The following LRFN4 variants were observed in gnomAD, a reference collection of about 807,000 sequenced individuals.
LRFN4 encodes leucine rich repeat and fibronectin type III domain containing 4.
A neutral mutation model predicts 29.0 loss-of-function variants in LRFN4; 10 were observed. That is an observed-to-expected ratio of 0.35 (90% CI 0.21 to 0.59). The LOEUF is 0.59. LRFN4 is among the 20% of genes least tolerant of loss of function. The pLI is 0.82. For synonymous variants in LRFN4, 493 were observed against 437.0 expected, an observed-to-expected ratio of 1.13 and a Z score of -1.60; for missense variants, 850 against 907.9, an observed-to-expected ratio of 0.94 and a Z score of 0.82.
chr11:66,857,756 G>A lies in LRFN4; in HGVS notation c.12G>A (p.Pro4=). 1 of 1,593,056 alleles carries A rather than the reference G, an allele frequency of 6.3e-7. No individual in the cohort carries two copies. The highest frequency in any genetic ancestry group is 1.3e-5 in the African/African-American group (1 of 74,884). The change falls in exon 1 of 2, where the codon CCG becomes CCA. Residue 4 remains proline (P), a synonymous_variant. Coordinates refer to ENST00000309602, the MANE Select transcript of LRFN4 (RefSeq NM_024036.5). This position sits in a 1 kb window ranked among gnomAD's most constrained non-coding sequence, Gnocchi z 7.1. MAP[P]LLLLLLASGA... ...ACAGGGCGCTCACCATGGCCCCGCC[G>A]CTCCTGCTGCTGCTGCTGGCCAGTG...
In LRFN4 at chr11:66,858,207, A is replaced by G. The variant is rs763456514; in HGVS notation, c.463A>G (p.Asn155Asp). 1 of 1,612,488 alleles carries G rather than the reference A, an allele frequency of 6.2e-7. No homozygotes were observed. The highest frequency in any genetic ancestry group is 8.5e-7 in the Non-Finnish European group (1 of 1,179,862). Residue 155 changes from asparagine to aspartate, a missense_variant, in exon 1 of 2, where the codon AAC (asparagine) becomes GAC (aspartate). Physicochemically the swap from Asn to Asp is conservative, Grantham distance 23 (BLOSUM62 1). This residue lies in a region of LRFN4 where 744 missense variants were observed against 753.8 expected (regional missense o/e 0.99). Transcript: ENST00000309602. This position sits in a 1 kb window ranked among gnomAD's most constrained non-coding sequence, Gnocchi z 5.9. ...ESLEDLDLSY[N>D]NLRQVPWAGI... is the part of the protein sequence containing the mutation. ...CCTGGAGGACCTGGACCTGTCCTAC[A>G]ACAACCTCCGGCAGGTGCCCTGGGC... is the stretch of plus-strand genomic sequence containing the variant.
chr11:66,859,256 G>A (rs1327110385), intron 1 of LRFN4, among the ~76,000 whole-genome samples, 163 bp downstream of exon 1: 1 of 152,138 alleles, frequency 6.6e-6, no homozygotes, highest in Non-Finnish European at 1.5e-5. Flanking sequence ...GCCTGGCCTG[G>A]CTGCCTGAGG....
Position 66,858,920 on chromosome 11 carries a change from C to T in LRFN4, c.1176C>T (p.Ser392=), listed in dbSNP as rs374693774. The T allele has an allele frequency of 6.0e-4, 941 of 1,570,454 alleles. No individual in the cohort carries two copies. Among genetic ancestry groups the T allele is most frequent in the African/African-American group, 5.9e-3 (436 of 73,894 alleles). Residue 392 remains serine, a synonymous_variant, in exon 1 of 2, where the codon TCC becomes TCT. Transcript: ENST00000309602. This position sits in a 1 kb window ranked among gnomAD's most constrained non-coding sequence, Gnocchi z 5.9. ...CCGGGCCCTCGGACATCGCCGCCTC[C>T]GCTCGCACTGCTGCCGAGGGTGAGG... is the stretch of plus-strand genomic sequence containing the variant. ...GRPGPSDIAA[S]ARTAAEGEGT... is the part of the protein sequence containing the mutation.
chr11:66,860,096 T>C lies in LRFN4; in HGVS notation c.1809T>C (p.Ala603=), dbSNP rs1946158045. 7.1e-6 allele frequency: 11 copies of C among 1,553,090 alleles called. No individual in the cohort carries two copies. The highest frequency in any genetic ancestry group is 9.6e-6 in the Non-Finnish European group (11 of 1,148,792). Residue 603 remains alanine, a synonymous_variant, in exon 2 of 2, where the codon GCT becomes GCC. Coordinates refer to ENST00000309602, the MANE Select transcript of LRFN4 (RefSeq NM_024036.5). ...GTTATGCCAGGCGCCTGGGAGGAGC[T>C]TGGGCCCGACGGAGCCACTCTGTGC... ...CYGYARRLGG[A]WARRSHSVHG... is the part of the protein sequence containing the mutation.
Position 66,858,733 on chromosome 11 carries a change from C to G in LRFN4, c.989C>G (p.Ala330Gly). The G allele has an allele frequency of 1.3e-6, 2 of 1,553,642 alleles. No homozygotes were observed. Among genetic ancestry groups the G allele is most frequent in the Non-Finnish European group, 1.7e-6 (2 of 1,148,220 alleles). The change falls in exon 1 of 2, where the codon GCT (alanine) becomes GGT (glycine). Residue 330 changes from alanine (A) to glycine (G), a missense_variant. Physicochemically the swap from Ala to Gly is moderately conservative, Grantham distance 60. Coordinates refer to ENST00000309602, the MANE Select transcript of LRFN4 (RefSeq NM_024036.5). This position sits in a 1 kb window ranked among gnomAD's most constrained non-coding sequence, Gnocchi z 5.9. ...GTTGGCAACTCCTCCCGAGCCCGGG[C>G]TTTCCCCAACGGGACCTTAGAGATT... ...RLVGNSSRAR[A>G]FPNGTLEIGV...
rs773772083 is a variant in LRFN4 at position 66,859,748 on chromosome 11, G to C, written c.1461G>C (p.Thr487=). The change falls in exon 2 of 2, where the codon ACG becomes ACC. Residue 487 remains threonine, a synonymous_variant. Coordinates refer to ENST00000309602, the MANE Select transcript of LRFN4 (RefSeq NM_024036.5). ...CGGCCGCTGGGCCCTCTGACCTCAC[G>C]GCCACCAGGCTGCTGGGCTGTGCCC... The part of the protein sequence containing the change: ...LSPAAGPSDL[T]ATRLLGCAHF... 1.9e-6 allele frequency: 3 copies of C among 1,609,078 alleles called. No individual in the cohort carries two copies. The highest frequency in any genetic ancestry group is 1.3e-5 in the African/African-American group (1 of 74,836).
chr11:66,859,619 A>T lies in LRFN4; in HGVS notation c.1350-18A>T, dbSNP rs751355859. ...TAGACCCCAGCCCCGGGCTCTGACC[A>T]CCTGCCCTTGCCTGCAGGATTGTCC... is the stretch of plus-strand genomic sequence containing the variant. On this transcript the variant is annotated intron_variant, in intron 1 of 1. Coordinates refer to ENST00000309602, the MANE Select transcript of LRFN4 (RefSeq NM_024036.5). 1 of 1,612,334 alleles carries T rather than the reference A, an allele frequency of 6.2e-7. No homozygotes were observed. Among genetic ancestry groups the T allele is most frequent in the African/African-American group, 1.3e-5 (1 of 74,870 alleles).
At position 66,860,235 on chromosome 11, in the gene LRFN4, C is replaced by T. The variant is rs909744017; in HGVS notation, c.*40C>T. On this transcript the variant is annotated 3_prime_UTR_variant, in exon 2 of 2. Transcript: ENST00000309602. ...CCTGTGTGCTCCAAGGGATGAGCCT[C>T]GTGGGGCAGAGGGCCCGGGGCCGCC... 25 of 1,538,876 alleles carry T rather than the reference C, an allele frequency of 1.6e-5. No homozygotes were observed. Among genetic ancestry groups the T allele is most frequent in the African/African-American group, 9.6e-5 (7 of 73,054 alleles).
chr11:66,859,197 AC>A (rs750645465), intron 1 of LRFN4, 104 bp downstream of exon 1: 54 of 1,327,688 alleles, frequency 4.1e-5, no homozygotes, highest in Non-Finnish European at 5.1e-5. Context: ...TGGGGCTGAC[AC>A]CCCCTCCCCG....
rs202226738 is a variant in LRFN4, at chr11:66,859,686, G to A, written c.1399G>A (p.Gly467Ser). 1.6e-4 allele frequency: 254 copies of A among 1,612,932 alleles called. No homozygotes were observed. Among genetic ancestry groups the A allele is most frequent in the Middle Eastern group, 9.9e-4 (6 of 6,062 alleles). Residue 467 changes from glycine (G) to serine (S), a missense_variant, in exon 2 of 2, where the codon GGC becomes AGC. This residue lies in a region of LRFN4 where 744 missense variants were observed against 753.8 expected (regional missense o/e 0.99). Coordinates refer to ENST00000309602, the MANE Select transcript of LRFN4 (RefSeq NM_024036.5). ...HHFLLKHLVP[G>S]ADYDLCLLAL... ...CTTCCTGCTGAAGCACCTCGTCCCC[G>A]GCGCTGACTATGACCTCTGCCTGCT...
rs983603393 is a variant in LRFN4 at position 66,858,405 on chromosome 11, G to C, written c.661G>C (p.Glu221Gln). 1 of 1,559,038 alleles carries C rather than the reference G, an allele frequency of 6.4e-7. No individual in the cohort carries two copies. Among genetic ancestry groups the C allele is most frequent in the South Asian group, 1.2e-5 (1 of 86,460 alleles). ...GCTTTTCTCTCGTGGGCGTGATGCA[G>C]AGGCCTCTCCCGCCCCCCTGGTGCT... ...DPLFSRGRDA[E>Q]ASPAPLVLSF... The change falls in exon 1 of 2, where the codon GAG becomes CAG. Residue 221 changes from glutamate (E) to glutamine (Q), a missense_variant. Around this residue, in one of 2 missense-constraint regions of LRFN4, gnomAD observed 744 missense variants for 753.8 expected, o/e 0.99. Coordinates refer to ENST00000309602, the MANE Select transcript of LRFN4 (RefSeq NM_024036.5). The surrounding 1 kb of genome is among the most constrained non-coding windows in gnomAD (Gnocchi z 5.9).
rs1478370424 is a variant in LRFN4 at position 66,857,554 on chromosome 11, G to T, written c.-191G>T. The T allele has an allele frequency of 3.3e-6, 2 of 602,730 alleles. No individual in the cohort carries two copies. The highest frequency in any genetic ancestry group is 5.7e-5 in the East Asian group (2 of 35,228). 37.3% of individuals were successfully genotyped at this position (602,730 alleles called of 1,614,324 possible). A position where few individuals can be genotyped will look rare whatever the true frequency, so the allele number is the denominator to read the frequency against. On this transcript the variant is annotated 5_prime_UTR_variant, in exon 1 of 2. Coordinates refer to ENST00000309602, the MANE Select transcript of LRFN4 (RefSeq NM_024036.5). The surrounding 1 kb of genome is among the most constrained non-coding windows in gnomAD (Gnocchi z 7.1). ...TAACTGCTTGGGAAATGTGACCTTT[G>T]CTCTGGGGGGCCTGGCCCTGCAGGC...
chr11:66,858,611 C>T lies in LRFN4; in HGVS notation c.867C>T (p.Arg289=), dbSNP rs751550136. Residue 289 remains arginine (R), a synonymous_variant, in exon 1 of 2, where the codon CGC becomes CGT. Transcript: ENST00000309602. This position sits in a 1 kb window ranked among gnomAD's most constrained non-coding sequence, Gnocchi z 5.9. ...CCCTCATTGCCCGCCACACGCAGCG[C>T]CTCTGGGTGCTGGAAGGCCAGCGGG... The part of the protein sequence containing the change: ...EPPLIARHTQ[R]LWVLEGQRAT... 2.0e-5 allele frequency: 31 copies of T among 1,535,786 alleles called. 1 individual carries two copies. Among genetic ancestry groups the T allele is most frequent in the Non-Finnish European group, 2.0e-5 (23 of 1,144,194 alleles).
chr11:66,859,201 C>A (rs931650660), intron 1 of LRFN4, 108 bp downstream of exon 1: 4 of 1,328,740 alleles, frequency 3.0e-6, no homozygotes, highest in South Asian at 1.7e-5. Flanking sequence ...GCTGACACCC[C>A]CTCCCCGACC....
Position 66,858,117 on chromosome 11 carries a change from C to T in LRFN4, c.373C>T (p.Leu125Phe). ...CCGGGGCCCCGTCAATCTGCAGCAC[C>T]TCATCCTCAGCGGCAACCAGCTGGG... ...SLRGPVNLQH[L>F]ILSGNQLGRI... Residue 125 changes from leucine (L) to phenylalanine (F), a missense_variant, in exon 1 of 2, where the codon CTC becomes TTC. By Grantham distance (22) the Leu-to-Phe change is conservative. Around this residue, in one of 2 missense-constraint regions of LRFN4, gnomAD observed 744 missense variants for 753.8 expected, o/e 0.99. Transcript: ENST00000309602. This position sits in a 1 kb window ranked among gnomAD's most constrained non-coding sequence, Gnocchi z 5.9. 1 of 1,610,670 alleles carries T rather than the reference C, an allele frequency of 6.2e-7. No individual in the cohort carries two copies. The highest frequency in any genetic ancestry group is 8.5e-7 in the Non-Finnish European group (1 of 1,178,920).
chr11:66,858,221 G>A lies in LRFN4; in HGVS notation c.477G>A (p.Gln159=). Residue 159 remains glutamine, a synonymous_variant, in exon 1 of 2, where the codon CAG becomes CAA. Transcript: ENST00000309602. This position sits in a 1 kb window ranked among gnomAD's most constrained non-coding sequence, Gnocchi z 5.9. ...ACCTGTCCTACAACAACCTCCGGCA[G>A]GTGCCCTGGGCCGGCATCGGCGCCA... ...DLDLSYNNLR[Q]VPWAGIGAMP... is the part of the protein sequence containing the mutation. 1.2e-6 allele frequency: 2 copies of A among 1,612,510 alleles called. No individual in the cohort carries two copies. Among genetic ancestry groups the A allele is most frequent in the South Asian group, 2.2e-5 (2 of 91,076 alleles).
Position 66,860,108 on chromosome 11 carries a change from G to T in LRFN4, c.1821G>T (p.Arg607=). ...GCCTGGGAGGAGCTTGGGCCCGACG[G>T]AGCCACTCTGTGCATGGGGGGCTGC... ...ARRLGGAWAR[R]SHSVHGGLLG... The change falls in exon 2 of 2, where the codon CGG becomes CGT. Residue 607 remains arginine (R), a synonymous_variant. Coordinates refer to ENST00000309602, the MANE Select transcript of LRFN4 (RefSeq NM_024036.5). The T allele has an allele frequency of 6.4e-7, 1 of 1,551,610 alleles. No individual in the cohort carries two copies.
At chr11:66,859,573 G>C (rs924967361) in intron 1 of LRFN4, 64 bp from the exon 2 acceptor site, 14 of 1,601,170 alleles carry the variant, frequency 8.7e-6, no homozygotes, top group Non-Finnish European at 1.2e-5. Flanking sequence ...GAGCACGGGA[G>C]TGGGGAGGTG....
At position 66,860,071 on chromosome 11, in the gene LRFN4, G is replaced by A; in HGVS notation, c.1784G>A (p.Gly595Asp). 6.4e-7 allele frequency: 1 copy of A among 1,560,618 alleles called. No individual in the cohort carries two copies. The highest frequency in any genetic ancestry group is 8.7e-7 in the Non-Finnish European group (1 of 1,153,258). Residue 595 changes from glycine to aspartate, a missense_variant, in exon 2 of 2, where the codon GGT (glycine) becomes GAT (aspartate). Physicochemically the swap from Gly to Asp is moderately conservative, Grantham distance 94. Transcript: ENST00000309602. ...GACCTGGGAGATGCCGGGTGCTACG[G>A]TTATGCCAGGCGCCTGGGAGGAGCT... is the stretch of plus-strand genomic sequence containing the variant. The part of the protein sequence containing the change: ...SLDLGDAGCY[G>D]YARRLGGAWA...
Sources: allele counts gnomAD v4.1 joint callset (sites outside exome capture counted in the v4.1 genomes callset), GRCh38; gene constraint gnomAD v4.1.1; regional missense constraint gnomAD v4.1.1; non-coding constraint Gnocchi (gnomAD v3.1); transcripts MANE v1.5; gene names NCBI Gene and HGNC (gene_info 2026-07-23, HGNC 2026-07-21).